BCHE: variants seen among roughly 807,000 people sequenced by gnomAD.
BCHE encodes the protein butyrylcholinesterase, also known as cholinesterase.
A neutral mutation model predicts 51.3 loss-of-function variants in BCHE; 48 were observed. That is an observed-to-expected ratio of 0.94 (90% CI 0.74 to 1.19). BCHE has a LOEUF of 1.19. Among genes scored for constraint, BCHE ranks in the 50% most tolerant of loss-of-function variants. The pLI is 0.00. For synonymous variants in BCHE, 251 were observed against 238.0 expected, an observed-to-expected ratio of 1.05 and a Z score of -0.50; for missense variants, 847 against 708.2, an observed-to-expected ratio of 1.20 and a Z score of -2.23.
intron 2 of BCHE, among the ~76,000 whole-genome samples, chr3:165,797,719 G>A (rs146044730): frequency 6.6e-6 from 1 of 151,936 alleles, no homozygotes; most frequent in Non-Finnish European, 1.5e-5. Context: ...TCTTATTCAC[G>A]TCTGTTTGCT....
At chr3:165,834,063 G>T (rs941896488) in intron 1 of BCHE, among the ~76,000 whole-genome samples, 3 of 151,954 alleles carry the variant, frequency 2.0e-5, no homozygotes, top group African/African-American at 7.2e-5. Flanking sequence ...TTTCAAACTT[G>T]TTCTACAAAC....
intron 2 of BCHE, among the ~76,000 whole-genome samples, chr3:165,787,759 A>C (rs1429333195): frequency 6.6e-6 from 1 of 151,980 alleles, no homozygotes; most frequent in Non-Finnish European, 1.5e-5. Context: ...ATTAAGGTCT[A>C]ACAGCCCTGG....
At chr3:165,786,774 C>A (rs922837354) in intron 2 of BCHE, among the ~76,000 whole-genome samples, 2 of 151,662 alleles carry the variant, frequency 1.3e-5, no homozygotes, top group African/African-American at 4.8e-5. Context: ...AGTTTAATTA[C>A]AAATCTTATT....
intron 2 of BCHE, among the ~76,000 whole-genome samples, chr3:165,828,915 CG>C (rs1222900216): frequency 6.6e-6 from 1 of 152,020 alleles, no homozygotes; most frequent in African/African-American, 2.4e-5. Context: ...AGGTGGAGAA[CG>C]GCTTAGCTAA....
intron 2 of BCHE, among the ~76,000 whole-genome samples, chr3:165,801,137 C>T (rs151315310): frequency 1.9e-3 from 286 of 152,230 alleles, no homozygotes; most frequent in African/African-American, 6.7e-3. Context: ...CTTTACAGCT[C>T]TCATGCATGC....
chr3:165,835,919 G>T (rs1356090848), intron 1 of BCHE, among the ~76,000 whole-genome samples: 1 of 151,734 alleles, frequency 6.6e-6, no homozygotes, highest in African/African-American at 2.4e-5. Flanking sequence ...TCTAATTTTG[G>T]TAAGAATGAG....
chr3:165,779,382 C>T (rs1464430388), intron 3 of BCHE, among the ~76,000 whole-genome samples: 1 of 152,084 alleles, frequency 6.6e-6, no homozygotes. Context: ...GATGCCGTCT[C>T]TCACTCCTAT....
At chr3:165,807,248 G>T in intron 2 of BCHE, among the ~76,000 whole-genome samples, 1 of 151,708 alleles carries the variant, frequency 6.6e-6, no homozygotes, top group East Asian at 1.9e-4. Flanking sequence ...TATAATGTTT[G>T]TCTACCTTTC....
chr3:165,790,965 A>G (rs1369746578), intron 2 of BCHE, among the ~76,000 whole-genome samples: 1 of 152,006 alleles, frequency 6.6e-6, no homozygotes, highest in Non-Finnish European at 1.5e-5. Flanking sequence ...GTGCCTACTC[A>G]GAGTAAGAGA....
intron 2 of BCHE, among the ~76,000 whole-genome samples, chr3:165,792,482 T>C (rs1297353291): frequency 6.6e-6 from 1 of 152,066 alleles, no homozygotes; most frequent in Non-Finnish European, 1.5e-5. Context: ...ACTCAAATAC[T>C]AGAAAACATG....
chr3:165,821,910 C>T (rs1714537170), intron 2 of BCHE, among the ~76,000 whole-genome samples: 1 of 141,832 alleles, frequency 7.1e-6, no homozygotes, highest in African/African-American at 2.7e-5. Flanking sequence ...GATCAGTTAA[C>T]TTCAGTGGTG....
Position 165,837,330 on chromosome 3 carries a change from A to AAGATGC in BCHE, c.-26_-25insGCATCT, listed in dbSNP as rs1427917055. On this transcript the variant is annotated 5_prime_UTR_variant, in exon 1 of 4. Transcript: ENST00000264381. ...GCAACTTACCCGATTCTCTGCAACA[A>AAGATGC]AGATGGCAAAGTTTGCAAGGAGTGA... The AAGATGC allele has an allele frequency of 7.8e-7, 1 of 1,289,582 alleles. No individual in the cohort carries two copies. Among genetic ancestry groups the AAGATGC allele is most frequent in the Non-Finnish European group, 1.0e-6 (1 of 988,770 alleles). The allele number at this position is 1,289,582 out of a possible 1,614,324, so 79.9% of individuals were successfully genotyped here.
chr3:165,833,467 A>G (rs1576673414), intron 1 of BCHE, among the ~76,000 whole-genome samples: 1 of 152,186 alleles, frequency 6.6e-6, no homozygotes, highest in East Asian at 1.9e-4. Context: ...CAATTGTTAG[A>G]AAATGGTAAC....
intron 1 of BCHE, among the ~76,000 whole-genome samples, chr3:165,834,590 A>T (rs1352923874): frequency 6.6e-6 from 1 of 151,886 alleles, no homozygotes; most frequent in Non-Finnish European, 1.5e-5. Context: ...CCCTTTTTAT[A>T]ATCTGGTATT....
intron 2 of BCHE, among the ~76,000 whole-genome samples, chr3:165,811,981 C>G (rs1285465571): frequency 6.6e-6 from 1 of 151,994 alleles, no homozygotes; most frequent in Non-Finnish European, 1.5e-5. Context: ...ATCTTTCAAT[C>G]TCCAGAGATT....
Position 165,830,390 on chromosome 3 carries a change from C to T in BCHE, c.644G>A (p.Gly215Glu). ...WVQKNIAAFG[G>E]NPKSVTLFGE... ...AAAGAGAGTTACACTTTTAGGATTTCCACCAAAGGCTGCTATATTTTTTTG... is the reference window on the plus strand; with the variant it reads ...AAAGAGAGTTACACTTTTAGGATTTTCACCAAAGGCTGCTATATTTTTTTG... The change falls in exon 2 of 4, where the codon GGA (glycine) becomes GAA (glutamate). Residue 215 changes from glycine to glutamate, a missense_variant. By Grantham distance (98) the Gly-to-Glu change is moderately conservative (BLOSUM62 -2). Transcript: ENST00000264381. 6.2e-7 allele frequency: 1 copy of T among 1,613,952 alleles called. No individual in the cohort carries two copies. The highest frequency in any genetic ancestry group is 1.7e-5 in the Admixed American group (1 of 59,984).
In BCHE at chr3:165,831,004, G is replaced by A. The variant is rs1203911168; in HGVS notation, c.30C>T (p.Ile10=). 6.2e-7 allele frequency: 1 copy of A among 1,613,012 alleles called. No individual in the cohort carries two copies. The highest frequency in any genetic ancestry group is 8.5e-7 in the Non-Finnish European group (1 of 1,179,722). ...GCAAAAGAAACCAAAAGAGAAATCT[G>A]ATGCATATGATTGTGACTTTGCTAT... MHSKVTIIC[I]RFLFWFLLLC... is the part of the protein sequence containing the mutation. Residue 10 remains isoleucine (I), a synonymous_variant, in exon 2 of 4, where the codon ATC becomes ATT. Transcript: ENST00000264381.
intron 3 of BCHE, chr3:165,777,671 A>G: frequency 5.5e-6 from 2 of 362,670 alleles, no homozygotes; most frequent in Non-Finnish European, 1.1e-5. Context: ...ATATACACAC[A>G]GTTGACCTTG....
intron 3 of BCHE, among the ~76,000 whole-genome samples, chr3:165,779,803 G>A (rs1712614569): frequency 6.6e-6 from 1 of 152,148 alleles, no homozygotes; most frequent in African/African-American, 2.4e-5. Context: ...CTCATGGATA[G>A]GAAGAATCAA....
Sources: allele counts gnomAD v4.1 joint callset (sites outside exome capture counted in the v4.1 genomes callset), GRCh38; gene constraint gnomAD v4.1.1; transcripts MANE v1.5; gene names NCBI Gene and HGNC (gene_info 2026-07-23, HGNC 2026-07-21).